Variants in NAALADL2 observed in about 807,000 individuals in gnomAD.
The protein encoded by NAALADL2 is N-acetylated alpha-linked acidic dipeptidase like 2, also known as inactive N-acetylated-alpha-linked acidic dipeptidase-like protein 2.
Under a neutral mutation model 87.2 loss-of-function variants are expected in NAALADL2, and 76 were observed. That is an observed-to-expected ratio of 0.87 (90% CI 0.72 to 1.05). NAALADL2 has a LOEUF of 1.05. Among genes scored for constraint, NAALADL2 ranks in the 50% least tolerant of loss-of-function variants. NAALADL2 has a pLI of 0.00. For synonymous variants in NAALADL2, 354 were observed against 331.0 expected (o/e 1.07, Z -0.75); for missense variants, 1,089 against 945.8 (o/e 1.15, Z -1.99).
At chr3:175,565,512 C>T (rs533884595) in intron 9 of NAALADL2, among the ~76,000 whole-genome samples, 1 of 152,240 alleles carries the variant, frequency 6.6e-6, no homozygotes, top group East Asian at 1.9e-4. Flanking sequence ...TCTTTATTCT[C>T]TCCTGGTGTC....
intron 2 of NAALADL2, among the ~76,000 whole-genome samples, chr3:174,647,905 C>T (rs776616648): frequency 6.6e-6 from 1 of 151,950 alleles, no homozygotes; most frequent in Non-Finnish European, 1.5e-5. Context: ...GAAGGCAGTA[C>T]AAAAGGAAGG....
At chr3:175,229,200 C>T (rs994865720) in intron 2 of NAALADL2, among the ~76,000 whole-genome samples, 4 of 151,180 alleles carry the variant, frequency 2.6e-5, no homozygotes, top group African/African-American at 7.3e-5. Context: ...AGGTCATAGC[C>T]TGTGTAGTAA....
chr3:175,587,761 G>A (rs1003065773), intron 10 of NAALADL2, among the ~76,000 whole-genome samples: 19 of 152,008 alleles, frequency 1.2e-4, no homozygotes, highest in Non-Finnish European at 1.9e-4. Context: ...CTTTGACCCC[G>A]TCTCGTACCA....
rs374963592 is a variant in NAALADL2 at position 175,600,591 on chromosome 3, C to G, written c.1800+24404C>G. ...CTCGCTCTGTCGCCCAGGCTGGAGT[C>G]CAGTGGCGCGATCTCGGCTCACTGC... On this transcript the variant is annotated intron_variant, in intron 10 of 13. Coordinates refer to ENST00000454872, the MANE Select transcript of NAALADL2 (RefSeq NM_207015.3). 7.3e-3 allele frequency among the ~76,000 whole-genome samples: 849 copies of G among 116,214 alleles called. 9 individuals carry two copies. Among genetic ancestry groups the G allele is most frequent in the African/African-American group, 0.025 (790 of 31,576 alleles). The allele number at this position is 116,214 out of a possible 152,430, so 76.2% of individuals were successfully genotyped here.
chr3:174,743,235 T>G (rs9846937), intron 3 of NAALADL2, among the ~76,000 whole-genome samples: 2 of 151,436 alleles, frequency 1.3e-5, no homozygotes, highest in Non-Finnish European at 3.0e-5. Context: ...TTCAGTAGAC[T>G]AGCTGTTTCT....
chr3:174,503,804 C>A (rs939556145), intron 1 of NAALADL2, among the ~76,000 whole-genome samples: 2 of 151,988 alleles, frequency 1.3e-5, no homozygotes, highest in Non-Finnish European at 2.9e-5. Flanking sequence ...TTTACAGATA[C>A]AAAAAGATTT....
intron 5 of NAALADL2, among the ~76,000 whole-genome samples, chr3:175,392,382 A>G (rs1405622965): frequency 1.3e-5 from 2 of 152,218 alleles, no homozygotes; most frequent in Non-Finnish European, 2.9e-5. Flanking sequence ...ATTTTAAAAT[A>G]AAGAAAAATC....
At chr3:175,031,124 T>C (rs1354965385) in intron 1 of NAALADL2, among the ~76,000 whole-genome samples, 11 of 152,126 alleles carry the variant, frequency 7.2e-5, no homozygotes, top group African/African-American at 2.6e-4. Context: ...TTTTTTAAAA[T>C]TTTTTATATT....
At position 175,497,007 on chromosome 3, in the gene NAALADL2, A is replaced by G. The variant is rs183738134; in HGVS notation, c.1653+25249A>G. On this transcript the variant is annotated intron_variant, in intron 9 of 13. Transcript: ENST00000454872. Reference sequence around the variant, plus strand: ...AAATTAAAAACTAAATATTTATATAATTTGTTCAAGATCACACAGACTGTA... The same window carrying G: ...AAATTAAAAACTAAATATTTATATAGTTTGTTCAAGATCACACAGACTGTA... Among the ~76,000 whole-genome samples the G allele has an allele frequency of 3.1e-3, 468 of 152,274 alleles. 3 individuals are homozygous for G. Among genetic ancestry groups the G allele is most frequent in the African/African-American group, 0.011 (441 of 41,562 alleles).
intron 1 of NAALADL2, among the ~76,000 whole-genome samples, chr3:174,881,015 C>A (rs1386869192): frequency 6.6e-6 from 1 of 152,052 alleles, no homozygotes; most frequent in African/African-American, 2.4e-5. Flanking sequence ...TGGGTCTTAA[C>A]TCTCCTTCTG....
intron 6 of NAALADL2, among the ~76,000 whole-genome samples, chr3:175,459,010 C>CCA (rs1455538936): frequency 6.6e-6 from 1 of 151,890 alleles, no homozygotes. Flanking sequence ...ACACATGTGC[C>CCA]CACACACACA....
At chr3:175,038,780 A>ATTTTCT (rs1187599812) in intron 1 of NAALADL2, among the ~76,000 whole-genome samples, 1 of 151,914 alleles carries the variant, frequency 6.6e-6, no homozygotes. Flanking sequence ...TGGAAGTGGA[A>ATTTTCT]TTTTCTTTTT....
intron 1 of NAALADL2, among the ~76,000 whole-genome samples, chr3:175,091,097 A>G (rs1364019936): frequency 1.3e-5 from 2 of 152,148 alleles, no homozygotes; most frequent in African/African-American, 4.8e-5. Flanking sequence ...TTCAACAACA[A>G]AAATTTATTC....
At chr3:175,794,013 A>AAAAAT (rs1204049070) in intron 13 of NAALADL2, among the ~76,000 whole-genome samples, 2 of 152,230 alleles carry the variant, frequency 1.3e-5, no homozygotes, top group Non-Finnish European at 2.9e-5. Flanking sequence ...AATAAATGAA[A>AAAAAT]AAAATAAAGC....
At chr3:174,465,300 A>G (rs925194284) in intron 1 of NAALADL2, among the ~76,000 whole-genome samples, 1 of 152,188 alleles carries the variant, frequency 6.6e-6, no homozygotes, top group Non-Finnish European at 1.5e-5. Flanking sequence ...AGCACAATTA[A>G]TGAAATTTGC....
chr3:175,181,213 A>C (rs571867663), intron 2 of NAALADL2, among the ~76,000 whole-genome samples: 4 of 151,802 alleles, frequency 2.6e-5, no homozygotes, highest in African/African-American at 4.8e-5. Flanking sequence ...GTAGTACCAA[A>C]CCCCCTGAAA....
intron 2 of NAALADL2, among the ~76,000 whole-genome samples, chr3:174,727,872 A>G (rs1011626583): frequency 6.6e-6 from 1 of 152,090 alleles, no homozygotes; most frequent in Admixed American, 6.6e-5. Flanking sequence ...GTGTTCCACT[A>G]TTCATCCCTA....
At chr3:175,456,266 G>C (rs1722301717) in intron 6 of NAALADL2, among the ~76,000 whole-genome samples, 1 of 152,036 alleles carries the variant, frequency 6.6e-6, no homozygotes, top group Non-Finnish European at 1.5e-5. Context: ...TTAAGGGATA[G>C]AGAGAGGCAG....
At chr3:175,718,873 A>G (rs1741784669) in intron 11 of NAALADL2, among the ~76,000 whole-genome samples, 1 of 152,102 alleles carries the variant, frequency 6.6e-6, no homozygotes, top group South Asian at 2.1e-4. Flanking sequence ...CAAACAAAAA[A>G]CAAAAAACAC....
Sources: allele counts gnomAD v4.1 joint callset (sites outside exome capture counted in the v4.1 genomes callset), GRCh38; gene constraint gnomAD v4.1.1; transcripts MANE v1.5; gene names NCBI Gene and HGNC (gene_info 2026-07-23, HGNC 2026-07-21).